The following IQSEC1 variants were observed in gnomAD, a reference collection of about 807,000 sequenced individuals.
IQSEC1 encodes the protein IQ motif and SEC7 domain-containing protein 1.
A neutral mutation model predicts 91.0 loss-of-function variants in IQSEC1; 31 were observed. The ratio of observed to expected loss-of-function variants is 0.34; its 90% CI spans 0.26 to 0.46. IQSEC1 has a LOEUF of 0.46. Among genes scored for constraint, IQSEC1 ranks in the 20% least tolerant of loss-of-function variants. The pLI, the probability that IQSEC1 is intolerant of heterozygous loss-of-function variation, is 1.00. For missense variants in IQSEC1, 1,388 were observed against 1,575.6 expected, an observed-to-expected ratio of 0.88 and a Z score of 2.02; for synonymous variants, 699 against 662.6, an observed-to-expected ratio of 1.05 and a Z score of -0.84.
intron 1 of IQSEC1, among the ~76,000 whole-genome samples, chr3:13,194,696 C>G (rs746797574): frequency 1.3e-5 from 2 of 152,058 alleles, no homozygotes; most frequent in Non-Finnish European, 2.9e-5. Flanking sequence ...GACTGAGAGG[C>G]GAGGTCCGTG....
intron 1 of IQSEC1, among the ~76,000 whole-genome samples, chr3:12,975,216 G>C (rs1379773896): frequency 6.6e-6 from 1 of 152,240 alleles, no homozygotes; most frequent in African/African-American, 2.4e-5. Flanking sequence ...GGGCAAAAGT[G>C]CAAGAGGAGC....
At chr3:12,915,359 C>T (rs1458131155) in intron 7 of IQSEC1, among the ~76,000 whole-genome samples, 1 of 152,238 alleles carries the variant, frequency 6.6e-6, no homozygotes. Flanking sequence ...CTGCACAACC[C>T]TGGCCTGCTA....
At chr3:13,156,081 A>T (rs1031779276) in intron 2 of IQSEC1, among the ~76,000 whole-genome samples, 4 of 133,316 alleles carry the variant, frequency 3.0e-5, no homozygotes, top group Admixed American at 7.7e-5. Flanking sequence ...AAAAAAAAAA[A>T]AGTAGCTGGG....
chr3:12,933,024 C>T (rs986526242), intron 3 of IQSEC1, among the ~76,000 whole-genome samples: 8 of 152,248 alleles, frequency 5.3e-5, no homozygotes, highest in Non-Finnish European at 7.3e-5. Context: ...AGGGGGCGTC[C>T]CCCCAGACAG....
chr3:12,936,860 T>C (rs1183244339), intron 2 of IQSEC1, among the ~76,000 whole-genome samples, 163 bp from the exon 3 acceptor site: 1 of 152,096 alleles, frequency 6.6e-6, no homozygotes, highest in African/African-American at 2.4e-5. Flanking sequence ...ATGCAAAATA[T>C]GAGTCCCAAG....
intron 1 of IQSEC1, among the ~76,000 whole-genome samples, chr3:13,001,798 C>G (rs575141168): frequency 6.6e-6 from 1 of 152,298 alleles, no homozygotes; most frequent in East Asian, 1.9e-4. Flanking sequence ...ATGGCTCACG[C>G]CTGTAATCCC....
chr3:13,254,849 T>C (rs1358023096), intron 1 of IQSEC1, among the ~76,000 whole-genome samples: 1 of 152,206 alleles, frequency 6.6e-6, no homozygotes, highest in Non-Finnish European at 1.5e-5. Context: ...GGCCCAGGGC[T>C]GCCCAGCTTT....
Position 12,915,666 on chromosome 3 carries a change from T to C in IQSEC1, c.2088A>G (p.Arg696=), listed in dbSNP as rs749048817. ...LMGIYERIRK[R]ELKTNEDHVS... is the part of the protein sequence containing the mutation. ...CATGGTCCTCATTGGTCTTTAGCTC[T>C]CGCTTACGGATCCGTTCATAGATCC... The change falls in exon 7 of 14, where the codon CGA becomes CGG. Residue 696 remains arginine (R), a synonymous_variant. Coordinates refer to ENST00000613206, the MANE Select transcript of IQSEC1 (RefSeq NM_001134382.3). The C allele has an allele frequency of 2.5e-6, 4 of 1,614,190 alleles. No individual in the cohort carries two copies. The highest frequency in any genetic ancestry group is 1.1e-5 in the South Asian group (1 of 91,078).
intron 1 of IQSEC1, among the ~76,000 whole-genome samples, chr3:12,985,808 T>C (rs779768194): frequency 6.6e-6 from 1 of 152,254 alleles, no homozygotes; most frequent in East Asian, 1.9e-4. Context: ...TCACTGCATA[T>C]TCTTTTATAA....
chr3:12,941,560 T>C lies in IQSEC1; in HGVS notation c.318+11A>G. On this transcript the variant is annotated intron_variant, in intron 2 of 13. Coordinates refer to ENST00000613206, the MANE Select transcript of IQSEC1 (RefSeq NM_001134382.3). ...CTTGCATGTGTGGCCTGAGGGGCTG[T>C]GCTCTCCTACCTGCTTGTCCTGCAG... 1.3e-6 allele frequency: 2 copies of C among 1,549,582 alleles called. No individual in the cohort carries two copies. Among genetic ancestry groups the C allele is most frequent in the Non-Finnish European group, 1.8e-6 (2 of 1,141,598 alleles).
At chr3:13,224,668 A>G (rs1472972660) in intron 1 of IQSEC1, among the ~76,000 whole-genome samples, 1 of 151,980 alleles carries the variant, frequency 6.6e-6, no homozygotes, top group Admixed American at 6.5e-5. Context: ...TGGACCCAGG[A>G]CGGGAGCATA....
At chr3:12,995,822 G>A (rs553523624) in intron 1 of IQSEC1, among the ~76,000 whole-genome samples, 1 of 152,356 alleles carries the variant, frequency 6.6e-6, no homozygotes, top group South Asian at 2.1e-4. Context: ...GGGCTTGTGG[G>A]CTGAAATGTG....
At chr3:13,045,380 A>G (rs1054065791) in intron 1 of IQSEC1, among the ~76,000 whole-genome samples, 1 of 152,202 alleles carries the variant, frequency 6.6e-6, no homozygotes, top group African/African-American at 2.4e-5. Context: ...GGACTGCTCA[A>G]CGAGGGATCC....
At chr3:13,226,273 T>G (rs181459462) in intron 1 of IQSEC1, among the ~76,000 whole-genome samples, 65 of 152,354 alleles carry the variant, frequency 4.3e-4, no homozygotes, top group Non-Finnish European at 8.8e-4. Context: ...ATCCCAAGTT[T>G]GCCATTTAGT....
chr3:12,948,021 C>A (rs1699298174), intron 1 of IQSEC1, among the ~76,000 whole-genome samples: 1 of 152,258 alleles, frequency 6.6e-6, no homozygotes, highest in Non-Finnish European at 1.5e-5. Context: ...TTCTGCCAAG[C>A]AAGGGGCCAA....
chr3:13,227,030 G>A (rs986980503), intron 1 of IQSEC1, among the ~76,000 whole-genome samples: 16 of 152,028 alleles, frequency 1.1e-4, no homozygotes, highest in Admixed American at 4.6e-4. Context: ...TGCAGTGAGC[G>A]ATGATCATGC....
intron 2 of IQSEC1, among the ~76,000 whole-genome samples, chr3:13,097,433 G>A (rs1411110484): frequency 6.6e-6 from 1 of 152,158 alleles, no homozygotes; most frequent in Non-Finnish European, 1.5e-5. Flanking sequence ...CATAAGCCCT[G>A]CAGGTCCTGT....
In IQSEC1 at chr3:12,898,399, A is replaced by G. The variant is rs1471438758; in HGVS notation, c.*2584T>C. The G allele has an allele frequency of 6.6e-6, 1 of 152,134 alleles. No homozygotes were observed. 9.4% of individuals were successfully genotyped at this position (152,134 alleles called of 1,614,324 possible). ...AGGAACACACTGAGTGCGGCGGGAAACCCCGGGAAGGGCTCAGTGGGTTCC... is the reference window on the plus strand; with the variant it reads ...AGGAACACACTGAGTGCGGCGGGAAGCCCCGGGAAGGGCTCAGTGGGTTCC... On this transcript the variant is annotated 3_prime_UTR_variant, in exon 14 of 14. Coordinates refer to ENST00000613206, the MANE Select transcript of IQSEC1 (RefSeq NM_001134382.3).
rs531042512 is a variant in IQSEC1 at position 13,053,402 on chromosome 3, C to A, written c.23+19590G>T. Among the ~76,000 whole-genome samples, 7 of 152,346 alleles carry A rather than the reference C, an allele frequency of 4.6e-5. No individual in the cohort carries two copies. In the South Asian group the frequency reaches 1.5e-3, roughly 32 times the overall value. ...CCATTCGCTGCTGTAAGAATTATTCCAGAACACCCTGTGCTTTCTGGAAGG... is the reference window on the plus strand; with the variant it reads ...CCATTCGCTGCTGTAAGAATTATTCAAGAACACCCTGTGCTTTCTGGAAGG... On this transcript the variant is annotated intron_variant, in intron 1 of 13. Transcript: ENST00000613206.
Sources: gnomAD v4.1 joint callset for allele counts (sites outside exome capture counted in the v4.1 genomes callset) on GRCh38, gnomAD v4.1.1 for gene constraint, MANE v1.5 for transcripts, NCBI Gene and HGNC (gene_info 2026-07-23, HGNC 2026-07-21) for gene names.